The following SYN3 variants were observed in gnomAD, a reference collection of about 807,000 sequenced individuals.
SYN3 encodes synapsin-3.
Under a neutral mutation model 65.8 loss-of-function variants are expected in SYN3, and 35 were observed. That is an observed-to-expected ratio of 0.53 (90% CI 0.41 to 0.70). The LOEUF is 0.70. Ranked by LOEUF, SYN3 falls within the 30% of genes least tolerant of loss-of-function variation. SYN3 has a pLI of 0.00. For synonymous variants in SYN3, 270 were observed against 292.9 expected (o/e 0.92, Z 0.80); for missense variants, 680 against 749.0 (o/e 0.91, Z 1.08).
intron 1 of SYN3, among the ~76,000 whole-genome samples, chr22:33,016,098 G>T (rs905790715): frequency 2.0e-5 from 3 of 151,842 alleles, no homozygotes; most frequent in Admixed American, 6.6e-5. Flanking sequence ...CACTCGCCTC[G>T]GCCTCCCAAA....
intron 6 of SYN3, among the ~76,000 whole-genome samples, chr22:32,772,206 G>A (rs2045789061): frequency 6.6e-6 from 1 of 151,986 alleles, no homozygotes; most frequent in African/African-American, 2.4e-5. Context: ...AGGACCAGAA[G>A]GTCAAGAAAT....
At position 32,641,607 on chromosome 22, in the gene SYN3, C is replaced by CAAA. The variant is rs34461957; in HGVS notation, c.712-44874_712-44872dup. Among the ~76,000 whole-genome samples the CAAA allele has an allele frequency of 6.4e-3, 438 of 67,930 alleles. 21 individuals carry two copies. The highest frequency in any genetic ancestry group is 0.021 in the African/African-American group (346 of 16,700). 44.6% of individuals were successfully genotyped at this position (67,930 alleles called of 152,430 possible). On this transcript the variant is annotated intron_variant, in intron 6 of 13. Transcript: ENST00000358763. ...TGGGCGACAGAGCAAGACTCCATCTCAAAAAAAAAAAAAAAAAAAAAAATT... is the reference window on the plus strand; with the variant it reads ...TGGGCGACAGAGCAAGACTCCATCTCAAAAAAAAAAAAAAAAAAAAAAAAAATT...
chr22:32,963,001 GTA>G (rs1293439404), intron 3 of SYN3, among the ~76,000 whole-genome samples: 1 of 149,840 alleles, frequency 6.7e-6, no homozygotes, highest in Non-Finnish European at 1.5e-5. Flanking sequence ...GTATGTATAT[GTA>G]TATATACATT....
intron 6 of SYN3, among the ~76,000 whole-genome samples, chr22:32,630,198 G>T (rs1334463604): frequency 6.6e-6 from 1 of 152,078 alleles, no homozygotes; most frequent in African/African-American, 2.4e-5. Context: ...TGGCCAAGAT[G>T]ATCTCCATCT....
chr22:32,966,965 T>C (rs2051864994), intron 3 of SYN3, among the ~76,000 whole-genome samples: 1 of 152,136 alleles, frequency 6.6e-6, no homozygotes, highest in Non-Finnish European at 1.5e-5. Flanking sequence ...ATTCTTCAGT[T>C]AAACTGACTC....
In SYN3 at chr22:32,918,332, A is replaced by G. The variant is rs891001032; in HGVS notation, c.461+13058T>C. ...TCAGTTATAGTACAGGAAGAGCAGT[A>G]AGACCAGAACACATAGCTGTTGGTG... On this transcript the variant is annotated intron_variant, in intron 4 of 13. Coordinates refer to ENST00000358763, the MANE Select transcript of SYN3 (RefSeq NM_003490.4). 3.3e-5 allele frequency among the ~76,000 whole-genome samples: 5 copies of G among 152,342 alleles called. 1 individual carries two copies.
At chr22:33,048,870 T>C (rs921752191) in intron 1 of SYN3, among the ~76,000 whole-genome samples, 3 of 152,190 alleles carry the variant, frequency 2.0e-5, no homozygotes, top group African/African-American at 7.2e-5. Flanking sequence ...AGCAAATACA[T>C]ACTCCTAAGA....
rs553796357 is a variant in SYN3 at position 32,644,105 on chromosome 22, G to T, written c.712-47369C>A. Among the ~76,000 whole-genome samples the T allele has an allele frequency of 7.4e-5, 9 of 121,236 alleles. 1 individual carries two copies. The highest frequency in any genetic ancestry group is 2.9e-4 in the African/African-American group (9 of 31,218). 79.5% of individuals were successfully genotyped at this position (121,236 alleles called of 152,430 possible). On this transcript the variant is annotated intron_variant, in intron 6 of 13. Coordinates refer to ENST00000358763, the MANE Select transcript of SYN3 (RefSeq NM_003490.4). ...AAAAAAAAAAAAAAAAAAAAAAAGCGACAAGACTGACTGATGATGGGAGAA... is the reference window on the plus strand; with the variant it reads ...AAAAAAAAAAAAAAAAAAAAAAAGCTACAAGACTGACTGATGATGGGAGAA...
intron 1 of SYN3, among the ~76,000 whole-genome samples, chr22:33,043,647 T>C (rs2054004441): frequency 6.6e-6 from 1 of 152,222 alleles, no homozygotes; most frequent in African/African-American, 2.4e-5. Context: ...TCTGTTACAT[T>C]GGGCCAGTCA....
intron 4 of SYN3, among the ~76,000 whole-genome samples, chr22:32,910,300 A>C (rs1437387330): frequency 6.6e-6 from 1 of 152,180 alleles, no homozygotes; most frequent in African/African-American, 2.4e-5. Context: ...CTCTGGGTTA[A>C]AGAGATGGGG....
chr22:32,857,177 G>A, intron 6 of SYN3: 1 of 1,133,424 alleles, frequency 8.8e-7, no homozygotes, highest in Non-Finnish European at 1.3e-6. Flanking sequence ...TACATACCCA[G>A]CAGTGGGATT....
At chr22:32,902,471 A>G (rs2049787143) in intron 4 of SYN3, among the ~76,000 whole-genome samples, 3 of 152,242 alleles carry the variant, frequency 2.0e-5, no homozygotes, top group Non-Finnish European at 4.4e-5. Context: ...AGAGGAAGCC[A>G]TTTGAAATAC....
chr22:32,604,967 C>T (rs1213143447), intron 6 of SYN3, among the ~76,000 whole-genome samples: 4 of 143,594 alleles, frequency 2.8e-5, no homozygotes, highest in East Asian at 2.1e-4. Flanking sequence ...GATGGCGCCA[C>T]TGCACACCAG....
Position 32,508,007 on chromosome 22 carries a change from T to C in SYN3, c.*5685A>G, listed in dbSNP as rs570804042. The stretch of plus-strand genomic sequence containing the variant: ...TCTCCATACCACCCCCCAAAAATTT[T>C]CGTCGCCCCAACACTTCAACACTAT... On this transcript the variant is annotated 3_prime_UTR_variant, in exon 14 of 14. Transcript: ENST00000358763. Among the ~76,000 whole-genome samples, 56 of 152,126 alleles carry C rather than the reference T, an allele frequency of 3.7e-4. No individual in the cohort carries two copies. The highest frequency in any genetic ancestry group is 7.5e-4 in the African/African-American group (31 of 41,482).
At chr22:32,700,770 G>A (rs901615915) in intron 6 of SYN3, among the ~76,000 whole-genome samples, 2 of 152,166 alleles carry the variant, frequency 1.3e-5, no homozygotes, top group African/African-American at 4.8e-5. Context: ...AGCAGCCTCA[G>A]CCCAGATTTC....
At chr22:32,585,885 C>T (rs563288414) in intron 7 of SYN3, among the ~76,000 whole-genome samples, 17 of 148,344 alleles carry the variant, frequency 1.1e-4, no homozygotes, top group Admixed American at 2.0e-4. Context: ...GACATATATA[C>T]GTATATATAC....
At chr22:32,518,920 C>T (rs114940951) in intron 12 of SYN3, among the ~76,000 whole-genome samples, 518 of 152,190 alleles carry the variant, frequency 3.4e-3, no homozygotes, top group African/African-American at 0.011. Context: ...TGAGGTGATA[C>T]GGTGGGGCCC....
intron 6 of SYN3, among the ~76,000 whole-genome samples, chr22:32,719,160 GCACCA>G (rs1212465420): frequency 6.6e-6 from 1 of 152,060 alleles, no homozygotes; most frequent in Non-Finnish European, 1.5e-5. Flanking sequence ...ACAGTTCTTA[GCACCA>G]CATACTAAAA....
intron 12 of SYN3, among the ~76,000 whole-genome samples, chr22:32,520,948 C>T (rs1165704827): frequency 6.6e-6 from 1 of 152,168 alleles, no homozygotes; most frequent in Non-Finnish European, 1.5e-5. Context: ...CCCTCCCGAT[C>T]TGAACATTTT....
Sources: gnomAD v4.1 joint callset for allele counts (sites outside exome capture counted in the v4.1 genomes callset) on GRCh38, gnomAD v4.1.1 for gene constraint, MANE v1.5 for transcripts, NCBI Gene and HGNC (gene_info 2026-07-23, HGNC 2026-07-21) for gene names.